BICC1: variants seen among roughly 807,000 people sequenced by gnomAD.
BICC1 encodes BicC family RNA binding protein 1, also known as protein bicaudal C homolog 1.
Under a neutral mutation model 111.0 loss-of-function variants are expected in BICC1, and 43 were observed. That is an observed-to-expected ratio of 0.39 (90% CI 0.30 to 0.50). The LOEUF (loss-of-function observed/expected upper bound fraction) is 0.50. Ranked by LOEUF, BICC1 falls within the 20% of genes least tolerant of loss-of-function variation. The pLI is 0.88. For missense variants in BICC1, 1,091 were observed against 1,203.2 expected, an observed-to-expected ratio of 0.91 and a Z score of 1.38; for synonymous variants, 467 against 434.4, an observed-to-expected ratio of 1.07 and a Z score of -0.93.
At chr10:58,817,779 T>C in intron 19 of BICC1, 57 bp downstream of exon 19, 2 of 1,505,922 alleles carry the variant, frequency 1.3e-6, no homozygotes, top group Non-Finnish European at 1.8e-6. Flanking sequence ...TATGATGACT[T>C]CTAGAATGAA....
At chr10:58,820,531 A>T in intron 20 of BICC1, 63 bp downstream of exon 20, 1 of 1,255,888 alleles carries the variant, frequency 8.0e-7, no homozygotes, top group Non-Finnish European at 1.2e-6. Flanking sequence ...GGTCTCAGCC[A>T]TTGGGTTGTT....
At chr10:58,746,542 C>A (rs1841842306) in intron 3 of BICC1, among the ~76,000 whole-genome samples, 1 of 152,108 alleles carries the variant, frequency 6.6e-6, no homozygotes, top group Admixed American at 6.6e-5. Context: ...GAGGTGAGTT[C>A]TCAGTTTCAT....
intron 3 of BICC1, among the ~76,000 whole-genome samples, chr10:58,736,944 AT>A (rs1489714489): frequency 6.6e-6 from 1 of 151,956 alleles, no homozygotes; most frequent in East Asian, 1.9e-4. Context: ...ATTTTATTTT[AT>A]TTTTTTGTCT....
intron 2 of BICC1, among the ~76,000 whole-genome samples, chr10:58,688,635 G>A (rs529905271): frequency 5.3e-4 from 81 of 152,258 alleles, no homozygotes; most frequent in African/African-American, 1.8e-3. Context: ...CACCCGAAAT[G>A]CCCATCAATG....
chr10:58,712,833 G>T (rs1840619156), intron 3 of BICC1, among the ~76,000 whole-genome samples: 1 of 152,130 alleles, frequency 6.6e-6, no homozygotes, highest in Non-Finnish European at 1.5e-5. Flanking sequence ...TTGATGTGAT[G>T]TTGACAGTCC....
chr10:58,517,487 G>A (rs1842273062), intron 1 of BICC1, among the ~76,000 whole-genome samples: 1 of 152,114 alleles, frequency 6.6e-6, no homozygotes, highest in Non-Finnish European at 1.5e-5. Context: ...TTTCATGAGA[G>A]CGGGAAGAAA....
In BICC1 at chr10:58,512,924, G is replaced by C. The variant is rs941868488; in HGVS notation, c.-220G>C. On this transcript the variant is annotated 5_prime_UTR_variant, in exon 1 of 21. Transcript: ENST00000373886. ...GCGGCGCAGCCACTGGACCCGGACC[G>C]GGGCCGCGACCCGGGGTGGCGGGTG... 1.3e-4 allele frequency among the ~76,000 whole-genome samples: 19 copies of C among 147,266 alleles called. No individual in the cohort carries two copies. The highest frequency in any genetic ancestry group is 4.6e-4 in the African/African-American group (19 of 41,038).
At chr10:58,629,164 C>G (rs1211865888) in intron 2 of BICC1, among the ~76,000 whole-genome samples, 1 of 152,174 alleles carries the variant, frequency 6.6e-6, no homozygotes, top group African/African-American at 2.4e-5. Flanking sequence ...GGGTGTAGTG[C>G]CTTTTAATCT....
At chr10:58,563,751 C>G (rs371757046) in intron 1 of BICC1, among the ~76,000 whole-genome samples, 1 of 152,118 alleles carries the variant, frequency 6.6e-6, no homozygotes. Flanking sequence ...CCTTTCATGT[C>G]TCTTAGCAAC....
chr10:58,574,825 C>T (rs959682157), intron 1 of BICC1, among the ~76,000 whole-genome samples: 77 of 152,042 alleles, frequency 5.1e-4, no homozygotes, highest in Admixed American at 4.0e-3. Context: ...TATTGTTTTA[C>T]GTTTCTGCAA....
chr10:58,513,096 C>G lies in BICC1; in HGVS notation c.-48C>G, dbSNP rs1842139048. ...CGGCCGGCGAGCGGAGGCGGCAGCG[C>G]AGGCAGAGCGGCGGCGGCAGCGGGA... On this transcript the variant is annotated 5_prime_UTR_variant, in exon 1 of 21. Coordinates refer to ENST00000373886, the MANE Select transcript of BICC1 (RefSeq NM_001080512.3). 3 of 1,318,234 alleles carry G rather than the reference C, an allele frequency of 2.3e-6. No homozygotes were observed. Among genetic ancestry groups the G allele is most frequent in the Admixed American group, 4.2e-5 (1 of 24,022 alleles). The allele number at this position is 1,318,234 out of a possible 1,614,324, so 81.7% of individuals were successfully genotyped here. A position where few individuals can be genotyped will look rare whatever the true frequency, so the allele number is the denominator to read the frequency against.
At chr10:58,516,816 A>G (rs936830886) in intron 1 of BICC1, among the ~76,000 whole-genome samples, 4 of 152,184 alleles carry the variant, frequency 2.6e-5, no homozygotes, top group African/African-American at 9.6e-5. Flanking sequence ...ACTCAAAGTT[A>G]TAAGTTACAT....
intron 1 of BICC1, among the ~76,000 whole-genome samples, chr10:58,580,773 A>G (rs183481897): frequency 7.2e-5 from 11 of 152,296 alleles, no homozygotes; most frequent in African/African-American, 2.2e-4. Context: ...TTTTTATTAA[A>G]TTTGAAAACC....
At chr10:58,697,733 G>A (rs1840105032) in intron 2 of BICC1, among the ~76,000 whole-genome samples, 1 of 152,130 alleles carries the variant, frequency 6.6e-6, no homozygotes, top group Non-Finnish European at 1.5e-5. Flanking sequence ...ACTTGCAGGA[G>A]ATGTGCTTGT....
At chr10:58,558,741 C>T (rs1279257533) in intron 1 of BICC1, among the ~76,000 whole-genome samples, 1 of 152,058 alleles carries the variant, frequency 6.6e-6, no homozygotes, top group African/African-American at 2.4e-5. Flanking sequence ...AATTATTTCT[C>T]ACGGTTCTGG....
chr10:58,719,536 T>G (rs1840873447), intron 3 of BICC1, among the ~76,000 whole-genome samples: 1 of 151,904 alleles, frequency 6.6e-6, no homozygotes, highest in Non-Finnish European at 1.5e-5. Flanking sequence ...AGACGGAGTC[T>G]CGCTCTGTCG....
At chr10:58,520,157 G>T (rs1466241747) in intron 1 of BICC1, among the ~76,000 whole-genome samples, 2 of 152,146 alleles carry the variant, frequency 1.3e-5, no homozygotes, top group Non-Finnish European at 2.9e-5. Context: ...TAGACCAGTT[G>T]ACTCATTCTT....
At chr10:58,792,028 G>A (rs967253190) in intron 8 of BICC1, among the ~76,000 whole-genome samples, 3 of 152,136 alleles carry the variant, frequency 2.0e-5, no homozygotes, top group African/African-American at 7.2e-5. Flanking sequence ...TTGGCCTCAA[G>A]TGATCCACCC....
At chr10:58,769,396 G>GTA (rs1271499930) in intron 3 of BICC1, among the ~76,000 whole-genome samples, 2 of 105,162 alleles carry the variant, frequency 1.9e-5, no homozygotes, top group African/African-American at 5.9e-5. Context: ...GTGTGTGTGT[G>GTA]TGTGTGTGTA....
Sources: gnomAD v4.1 joint callset for allele counts (sites outside exome capture counted in the v4.1 genomes callset) on GRCh38, gnomAD v4.1.1 for gene constraint, MANE v1.5 for transcripts, NCBI Gene and HGNC (gene_info 2026-07-23, HGNC 2026-07-21) for gene names.